Variants in RYR3 observed in about 807,000 individuals in gnomAD.
RYR3 encodes the protein brain ryanodine receptor-calcium release channel.
In RYR3, 207 loss-of-function variants were observed where a neutral mutation model predicts 584.3. The ratio of observed to expected loss-of-function variants is 0.35; its 90% CI spans 0.32 to 0.40. The LOEUF is 0.40. Ranked by LOEUF, RYR3 falls within the 10% of genes least tolerant of loss-of-function variation. The pLI is 1.00. For synonymous variants in RYR3, 2,416 were observed against 2,248.5 expected, an observed-to-expected ratio of 1.07 and a Z score of -2.11; for missense variants, 5,616 against 6,089.2, an observed-to-expected ratio of 0.92 and a Z score of 2.59.
intron 69 of RYR3, among the ~76,000 whole-genome samples, chr15:33,803,235 A>G (rs1025935925): frequency 6.6e-6 from 1 of 152,260 alleles, no homozygotes; most frequent in Non-Finnish European, 1.5e-5. Flanking sequence ...TTACGTACAT[A>G]CAAAGTAGAG....
intron 84 of RYR3, 71 bp from the exon 85 acceptor site, chr15:33,827,128 C>G: frequency 8.1e-7 from 1 of 1,240,924 alleles, no homozygotes; most frequent in East Asian, 2.5e-5. Context: ...TATCTGAGCT[C>G]AGCTGAGAGG....
intron 1 of RYR3, among the ~76,000 whole-genome samples, chr15:33,364,379 TTA>T (rs1473079380): frequency 2.0e-5 from 3 of 152,330 alleles, no homozygotes; most frequent in East Asian, 3.9e-4. Flanking sequence ...AAATAAGTGA[TTA>T]TATTTTACTG....
chr15:33,443,835 C>T (rs554384445), intron 1 of RYR3, among the ~76,000 whole-genome samples: 1 of 152,290 alleles, frequency 6.6e-6, no homozygotes, highest in South Asian at 2.1e-4. Flanking sequence ...TGCCATCATC[C>T]TTAGCTCCTG....
rs138224289 is a variant in RYR3 at position 33,671,403 on chromosome 15, T to TA, written c.5860+847_5860+848insA. Among the ~76,000 whole-genome samples the TA allele has an allele frequency of 6.7e-3, 1,016 of 152,352 alleles. 51 individuals are homozygous for TA. The South Asian group carries it at 0.13, about 19-fold the overall frequency. On this transcript the variant is annotated intron_variant, in intron 38 of 103. Transcript: ENST00000634891. ...CAAATCGTAGACTAGAGCAATTGACTGTCAAGATAGGATCAGTTTGTCTGA... is the reference window on the plus strand; with the variant it reads ...CAAATCGTAGACTAGAGCAATTGACTAGTCAAGATAGGATCAGTTTGTCTGA...
intron 1 of RYR3, among the ~76,000 whole-genome samples, chr15:33,347,912 A>C (rs190131093): frequency 3.3e-5 from 5 of 150,348 alleles, no homozygotes; most frequent in African/African-American, 9.8e-5. Context: ...TCAGAAACCA[A>C]CTTCCAGGTA....
intron 3 of RYR3, among the ~76,000 whole-genome samples, chr15:33,512,068 G>A (rs180956617): frequency 5.9e-5 from 9 of 152,210 alleles, no homozygotes; most frequent in Admixed American, 5.9e-4. Context: ...GTGAGCCACC[G>A]CGCCCGGCTG....
At chr15:33,502,682 C>T (rs2052101294) in intron 2 of RYR3, among the ~76,000 whole-genome samples, 1 of 152,170 alleles carries the variant, frequency 6.6e-6, no homozygotes, top group Non-Finnish European at 1.5e-5. Context: ...AATGTTCTCA[C>T]AGTGAAGAAA....
At chr15:33,561,539 T>G (rs542358011) in intron 10 of RYR3, among the ~76,000 whole-genome samples, 3 of 152,220 alleles carry the variant, frequency 2.0e-5, no homozygotes, top group Non-Finnish European at 4.4e-5. Context: ...TATGGAGAGT[T>G]AATCCACGTA....
rs1267843436 is a variant in RYR3 at position 33,865,585 on chromosome 15, T to C, written c.*359T>C. On this transcript the variant is annotated 3_prime_UTR_variant, in exon 104 of 104. Coordinates refer to ENST00000634891, the MANE Select transcript of RYR3 (RefSeq NM_001036.6). ...ATCTCGAATGTGTAATACCTGAAAA[T>C]TTAAACACTTGAATGTCATCATGGT... 2 of 195,596 alleles carry C rather than the reference T, an allele frequency of 1.0e-5. No homozygotes were observed. Among genetic ancestry groups the C allele is most frequent in the Non-Finnish European group, 2.1e-5 (2 of 94,312 alleles). The allele number at this position is 195,596 out of a possible 1,614,324, so 12.1% of individuals were successfully genotyped here.
intron 60 of RYR3, 94 bp from the exon 61 acceptor site, chr15:33,768,564 T>C: frequency 9.4e-7 from 1 of 1,064,064 alleles, no homozygotes; most frequent in Non-Finnish European, 1.5e-6. Context: ...CTGTGCTCTC[T>C]GTTTCACAGT....
intron 93 of RYR3, among the ~76,000 whole-genome samples, chr15:33,847,921 T>G (rs1278095169): frequency 6.6e-6 from 1 of 152,174 alleles, no homozygotes; most frequent in African/African-American, 2.4e-5. Context: ...CTAGAATGGT[T>G]TATTGTCCTT....
intron 67 of RYR3, among the ~76,000 whole-genome samples, chr15:33,797,007 C>G (rs185076617): frequency 2.0e-4 from 31 of 152,232 alleles, no homozygotes; most frequent in African/African-American, 7.0e-4. Context: ...AACTCAGAAA[C>G]AGAAACTCGA....
intron 1 of RYR3, among the ~76,000 whole-genome samples, chr15:33,339,888 CAAA>C (rs34401708): frequency 7.4e-6 from 1 of 135,470 alleles, no homozygotes; most frequent in Non-Finnish European, 1.6e-5. Flanking sequence ...GACTCCGTCT[CAAA>C]AAAAAAAAAA....
intron 16 of RYR3, among the ~76,000 whole-genome samples, chr15:33,590,892 C>G (rs56274541): frequency 0.024 from 3,691 of 152,104 alleles, 152 homozygotes; most frequent in African/African-American, 0.084. Flanking sequence ...ATTATTATAC[C>G]TTTACTTCTT....
At chr15:33,640,694 G>A (rs1205627544) in intron 27 of RYR3, among the ~76,000 whole-genome samples, 3 of 152,228 alleles carry the variant, frequency 2.0e-5, no homozygotes, top group East Asian at 3.9e-4. Flanking sequence ...AGAACTGGGG[G>A]TCCTGTACAA....
chr15:33,731,257 G>GT (rs34574020), intron 47 of RYR3, among the ~76,000 whole-genome samples: 30,057 of 147,530 alleles, frequency 0.2, 3,510 homozygotes, highest in South Asian at 0.31. Flanking sequence ...TTTTTTGTGT[G>GT]TTTTTTTTTT....
chr15:33,802,092 C>T, intron 69 of RYR3, 131 bp downstream of exon 69: 1 of 777,270 alleles, frequency 1.3e-6, no homozygotes, highest in Non-Finnish European at 2.4e-6. Context: ...ACAGTCTCTG[C>T]TGCTGTTTCT....
chr15:33,638,749 G>A (rs1054924897), intron 27 of RYR3, among the ~76,000 whole-genome samples: 17 of 152,204 alleles, frequency 1.1e-4, no homozygotes, highest in Non-Finnish European at 2.4e-4. Context: ...TAATAATGCA[G>A]AGCAGTAAGT....
At chr15:33,708,136 C>A (rs1209568151) in intron 43 of RYR3, among the ~76,000 whole-genome samples, 2 of 152,164 alleles carry the variant, frequency 1.3e-5, no homozygotes, top group Non-Finnish European at 2.9e-5. Flanking sequence ...CTCTTGAGGG[C>A]AGTTTTAGAG....
Sources: allele counts gnomAD v4.1 joint callset (sites outside exome capture counted in the v4.1 genomes callset), GRCh38; gene constraint gnomAD v4.1.1; transcripts MANE v1.5; gene names NCBI Gene and HGNC (gene_info 2026-07-23, HGNC 2026-07-21).